The following NEGR1 variants were observed in gnomAD, a reference collection of about 807,000 sequenced individuals.
NEGR1 encodes neuronal growth regulator 1, also known as IgLON family member 4.
Under a neutral mutation model 40.9 loss-of-function variants are expected in NEGR1, and 10 were observed. The ratio of observed to expected loss-of-function variants is 0.24; its 90% CI spans 0.15 to 0.42. The LOEUF (loss-of-function observed/expected upper bound fraction) is 0.42, where lower values mean the gene tolerates loss of function less well. Among genes scored for constraint, NEGR1 ranks in the 10% least tolerant of loss-of-function variants. The pLI, the probability that NEGR1 is intolerant of heterozygous loss-of-function variation, is 1.00. For synonymous variants in NEGR1, 185 were observed against 166.8 expected (o/e 1.11, Z -0.84); for missense variants, 352 against 438.9 (o/e 0.80, Z 1.77).
intron 1 of NEGR1, among the ~76,000 whole-genome samples, chr1:72,191,882 A>T (rs951135681): frequency 6.6e-6 from 1 of 151,838 alleles, no homozygotes; most frequent in Admixed American, 6.6e-5. Flanking sequence ...ACCAGTTGGC[A>T]GTGCCATCTT....
At chr1:71,877,715 T>C (rs1452096465) in intron 2 of NEGR1, among the ~76,000 whole-genome samples, 2 of 152,162 alleles carry the variant, frequency 1.3e-5, no homozygotes, top group Non-Finnish European at 2.9e-5. Context: ...GTGGTTTTAA[T>C]TGTATTATTT....
chr1:71,496,061 C>G (rs1291555743), intron 6 of NEGR1, among the ~76,000 whole-genome samples: 1 of 152,168 alleles, frequency 6.6e-6, no homozygotes, highest in Non-Finnish European at 1.5e-5. Flanking sequence ...CATCTACATG[C>G]TCTGCCTGTG....
In NEGR1 at chr1:72,168,199, G is replaced by T. The variant is rs568671854; in HGVS notation, c.176+114120C>A. Among the ~76,000 whole-genome samples, 9 of 152,058 alleles carry T rather than the reference G, an allele frequency of 5.9e-5. No homozygotes were observed. In the South Asian group the frequency reaches 1.7e-3, roughly 28 times the overall value. On this transcript the variant is annotated intron_variant, in intron 1 of 6. Transcript: ENST00000357731. ...CAGTTAATTTTTGTATTTTTAGTGA[G>T]ATGGGGTTTCTCCATGCTGACCAGG...
At chr1:71,526,882 C>A (rs1257014039) in intron 6 of NEGR1, among the ~76,000 whole-genome samples, 1 of 151,486 alleles carries the variant, frequency 6.6e-6, no homozygotes, top group Admixed American at 6.6e-5. Flanking sequence ...ACTTTCTCAG[C>A]CTCACTGCAC....
At chr1:72,019,403 T>C (rs1646737966) in intron 1 of NEGR1, among the ~76,000 whole-genome samples, 1 of 152,036 alleles carries the variant, frequency 6.6e-6, no homozygotes, top group Non-Finnish European at 1.5e-5. Context: ...CACTAGAAAA[T>C]AGTGACAGAA....
chr1:71,869,746 T>A (rs953838465), intron 2 of NEGR1, among the ~76,000 whole-genome samples: 1 of 152,190 alleles, frequency 6.6e-6, no homozygotes, highest in African/African-American at 2.4e-5. Flanking sequence ...GAATAATTAT[T>A]ATTTTGACTT....
chr1:72,191,699 A>C (rs771151472), intron 1 of NEGR1, among the ~76,000 whole-genome samples: 4 of 151,908 alleles, frequency 2.6e-5, no homozygotes, highest in Non-Finnish European at 2.9e-5. Context: ...ATGCATATCA[A>C]AGTCCACCTT....
chr1:71,744,405 C>A (rs948215253), intron 3 of NEGR1, among the ~76,000 whole-genome samples: 5 of 149,584 alleles, frequency 3.3e-5, no homozygotes, highest in Non-Finnish European at 7.4e-5. Context: ...ACAACATATC[C>A]ATGTCATAAT....
At position 71,928,063 on chromosome 1, in the gene NEGR1, C is replaced by T. The variant is rs992587499; in HGVS notation, c.409+7016G>A. 2.2e-3 allele frequency among the ~76,000 whole-genome samples: 108 copies of T among 48,532 alleles called. 12 individuals are homozygous for T. The highest frequency in any genetic ancestry group is 3.2e-3 in the Non-Finnish European group (76 of 24,082). The allele number at this position is 48,532 out of a possible 152,430, so 31.8% of individuals were successfully genotyped here. Reference sequence around the variant, plus strand: ...ACACACACACACGTATATATATACACACACACATATGTACATATATGTATA... The same window carrying T: ...ACACACACACACGTATATATATACATACACACATATGTACATATATGTATA... On this transcript the variant is annotated intron_variant, in intron 2 of 6. Coordinates refer to ENST00000357731, the MANE Select transcript of NEGR1 (RefSeq NM_173808.3).
At chr1:71,434,562 T>C (rs916685600) in intron 6 of NEGR1, among the ~76,000 whole-genome samples, 1 of 152,214 alleles carries the variant, frequency 6.6e-6, no homozygotes, top group Non-Finnish European at 1.5e-5. Context: ...GAGGTTCTTG[T>C]GTTTATTTTA....
rs201326223 is a variant in NEGR1, at chr1:72,248,575, T to TTTATTATTATTATTA, written c.176+33729_176+33743dup. 2.7e-3 allele frequency among the ~76,000 whole-genome samples: 361 copies of TTTATTATTATTATTA among 132,924 alleles called. 1 individual carries two copies. Among genetic ancestry groups the TTTATTATTATTATTA allele is most frequent in the Middle Eastern group, 3.9e-3 (1 of 258 alleles). 87.2% of individuals were successfully genotyped at this position (132,924 alleles called of 152,430 possible). On this transcript the variant is annotated intron_variant, in intron 1 of 6. Coordinates refer to ENST00000357731, the MANE Select transcript of NEGR1 (RefSeq NM_173808.3). ...GCCCAGCCTGAGACTTCTATTTTTA[T>TTTATTATTATTATTA]TTATTATTATTATTATTATTATTAT... is the stretch of plus-strand genomic sequence containing the variant.
chr1:71,779,423 A>G (rs1245542564), intron 2 of NEGR1, among the ~76,000 whole-genome samples: 1 of 152,218 alleles, frequency 6.6e-6, no homozygotes, highest in African/African-American at 2.4e-5. Context: ...CCCATTTTAC[A>G]GGAGTAAAAC....
At chr1:71,704,777 T>C (rs1170630425) in intron 3 of NEGR1, among the ~76,000 whole-genome samples, 1 of 151,874 alleles carries the variant, frequency 6.6e-6, no homozygotes, top group African/African-American at 2.4e-5. Context: ...TCATTTTATG[T>C]CACTATTATT....
chr1:71,997,401 A>G (rs1189439429), intron 1 of NEGR1, among the ~76,000 whole-genome samples: 1 of 152,060 alleles, frequency 6.6e-6, no homozygotes, highest in African/African-American at 2.4e-5. Flanking sequence ...TTATACTGCA[A>G]TGCCCTTTCC....
intron 1 of NEGR1, among the ~76,000 whole-genome samples, chr1:72,222,761 T>G (rs1341245995): frequency 6.6e-6 from 1 of 152,192 alleles, no homozygotes; most frequent in Non-Finnish European, 1.5e-5. Context: ...TCTCTTGGAA[T>G]GCATGCTCTT....
intron 4 of NEGR1, among the ~76,000 whole-genome samples, chr1:71,653,414 T>A (rs1266789264): frequency 6.6e-6 from 1 of 152,210 alleles, no homozygotes; most frequent in Non-Finnish European, 1.5e-5. Context: ...AAGCTTTCCA[T>A]TTCAGAAATT....
intron 1 of NEGR1, among the ~76,000 whole-genome samples, chr1:72,020,612 C>T (rs1209942431): frequency 6.6e-6 from 1 of 152,026 alleles, no homozygotes; most frequent in Non-Finnish European, 1.5e-5. Context: ...AAAGATATGT[C>T]AGGCAAATTC....
At chr1:72,102,385 GTGCCAATTTAGCATAAATAC>G (rs1001751826) in intron 1 of NEGR1, among the ~76,000 whole-genome samples, 1 of 151,936 alleles carries the variant, frequency 6.6e-6, no homozygotes, top group Admixed American at 6.6e-5. Flanking sequence ...ATTAAAAAAA[GTGCCAATTTAGCATAAATAC>G]TGTAGTTTTG....
intron 4 of NEGR1, among the ~76,000 whole-genome samples, chr1:71,652,701 A>C (rs934431436): frequency 3.9e-5 from 6 of 152,050 alleles, no homozygotes; most frequent in African/African-American, 1.2e-4. Context: ...CTCAGCCTCT[A>C]CCAAAATTCT....
Sources: allele counts gnomAD v4.1 joint callset (sites outside exome capture counted in the v4.1 genomes callset), GRCh38; gene constraint gnomAD v4.1.1; transcripts MANE v1.5; gene names NCBI Gene and HGNC (gene_info 2026-07-23, HGNC 2026-07-21).